SOS2: variants seen among roughly 807,000 people sequenced by gnomAD.
SOS2 encodes the protein son of sevenless homolog 2.
In SOS2, 65 loss-of-function variants were observed where a neutral mutation model predicts 148.2. That is an observed-to-expected ratio of 0.44 (90% confidence interval 0.36 to 0.54). The LOEUF is 0.54. SOS2 is among the 20% of genes least tolerant of loss of function. The pLI is 0.00. For missense variants in SOS2, 1,341 were observed against 1,590.2 expected (o/e 0.84, Z 2.67); for synonymous variants, 539 against 537.1 (o/e 1.00, Z -0.05).
intron 1 of SOS2, among the ~76,000 whole-genome samples, chr14:50,214,704 T>C (rs891909278): frequency 1.3e-5 from 2 of 151,100 alleles, no homozygotes; most frequent in Non-Finnish European, 3.0e-5. Context: ...CCGTTTCTTT[T>C]TTTTTTTTTT....
At chr14:50,214,807 C>G (rs1001692721) in intron 1 of SOS2, among the ~76,000 whole-genome samples, 6 of 151,118 alleles carry the variant, frequency 4.0e-5, no homozygotes, top group African/African-American at 1.5e-4. Flanking sequence ...CCTCAGGCCC[C>G]CCTCCCTGAG....
intron 8 of SOS2, among the ~76,000 whole-genome samples, chr14:50,166,369 A>G (rs754834673): frequency 1.4e-4 from 22 of 152,070 alleles, no homozygotes; most frequent in Non-Finnish European, 2.8e-4. Context: ...AGCTTGGACT[A>G]CAGGCATTGC....
chr14:50,223,078 T>C lies in SOS2; in HGVS notation c.87+8119A>G, dbSNP rs147474117. On this transcript the variant is annotated intron_variant, in intron 1 of 22. Coordinates refer to ENST00000216373, the MANE Select transcript of SOS2 (RefSeq NM_006939.4). ...AGGATGTGCTGACAAATTAGATGTGTGGTATAAAAAAAGACAATATTCAAG... is the reference window on the plus strand; with the variant it reads ...AGGATGTGCTGACAAATTAGATGTGCGGTATAAAAAAAGACAATATTCAAG... Among the ~76,000 whole-genome samples, 28 of 152,278 alleles carry C rather than the reference T, an allele frequency of 1.8e-4. No individual in the cohort carries two copies. In the East Asian group the frequency reaches 4.4e-3, roughly 24 times the overall value.
rs1433339408 is a variant in SOS2 at position 50,118,390 on chromosome 14, G to T, written c.3953C>A (p.Pro1318Gln). 5 of 1,613,460 alleles carry T rather than the reference G, an allele frequency of 3.1e-6. No individual in the cohort carries two copies. The highest frequency in any genetic ancestry group is 4.2e-6 in the Non-Finnish European group (5 of 1,179,532). Residue 1318 changes from proline (P) to glutamine (Q), a missense_variant, in exon 23 of 23, where the codon CCA (proline) becomes CAA (glutamine). Physicochemically the swap from Pro to Gln is moderately conservative, Grantham distance 76. This residue lies in a region of SOS2 where 354 missense variants were observed against 347.7 expected (regional missense o/e 1.02). Transcript: ENST00000216373. ...KTYKRELSHP[P>Q]LYRLPLLENA... is the part of the protein sequence containing the mutation. ...TTCTAGCAAAGGCAGTCTGTACAAT[G>T]GGGGGTGCGAAAGCTCCCGTTTGTA...
intron 8 of SOS2, among the ~76,000 whole-genome samples, chr14:50,168,904 TTAAA>T (rs1050235200): frequency 6.6e-6 from 1 of 152,218 alleles, no homozygotes; most frequent in African/African-American, 2.4e-5. Context: ...GATTTAGTGT[TTAAA>T]TATTATTTTT....
chr14:50,133,345 G>GCAC (rs1315637848), intron 19 of SOS2, among the ~76,000 whole-genome samples: 6 of 147,640 alleles, frequency 4.1e-5, no homozygotes, highest in Non-Finnish European at 8.9e-5. Flanking sequence ...CCCCAGGCGT[G>GCAC]CACCACCATG....
In SOS2 at chr14:50,145,203, T is replaced by C; in HGVS notation, c.2634A>G (p.Ser878=). The C allele has an allele frequency of 1.2e-6, 2 of 1,610,096 alleles. No individual in the cohort carries two copies. Among genetic ancestry groups the C allele is most frequent in the East Asian group, 2.2e-5 (1 of 44,770 alleles). The change falls in exon 16 of 23, where the codon TCA becomes TCG. Residue 878 remains serine, a synonymous_variant. Transcript: ENST00000216373. ...TATGGTCTAGTCTGTATACTGACAC[T>C]GAATTTACTGCACTGACTATCTCCA... ...GVLEIVSAVN[S]VSVYRLDHTF...
intron 1 of SOS2, among the ~76,000 whole-genome samples, chr14:50,227,225 GTTTC>G (rs1268089017): frequency 1.4e-5 from 2 of 140,710 alleles, no homozygotes; most frequent in Middle Eastern, 3.4e-3. Flanking sequence ...CTATCTCTGT[GTTTC>G]TTTTTCTTTC....
chr14:50,213,863 C>G (rs1028401825), intron 1 of SOS2, among the ~76,000 whole-genome samples: 1 of 148,606 alleles, frequency 6.7e-6, no homozygotes, highest in African/African-American at 2.5e-5. Flanking sequence ...GCACTCCAGT[C>G]TGGGCAACAG....
At chr14:50,127,862 T>A (rs1162889249) in intron 21 of SOS2, among the ~76,000 whole-genome samples, 3 of 152,180 alleles carry the variant, frequency 2.0e-5, no homozygotes, top group Admixed American at 6.5e-5. Flanking sequence ...GGTATTAGAC[T>A]TTTCAGCAGG....
At chr14:50,209,747 C>A (rs1450839660) in intron 1 of SOS2, among the ~76,000 whole-genome samples, 2 of 84,360 alleles carry the variant, frequency 2.4e-5, no homozygotes, top group Non-Finnish European at 2.5e-5. Flanking sequence ...GAGAGTGAGA[C>A]CTTGTCTCAA....
chr14:50,163,392 T>C (rs1885073648), intron 8 of SOS2, among the ~76,000 whole-genome samples: 1 of 152,184 alleles, frequency 6.6e-6, no homozygotes, highest in Non-Finnish European at 1.5e-5. Flanking sequence ...TAACTGGCTA[T>C]TGTTTGACAA....
At chr14:50,180,547 A>C (rs765212729) in intron 7 of SOS2, 25 bp downstream of exon 7, 27 of 1,064,478 alleles carry the variant, frequency 2.5e-5, no homozygotes, top group East Asian at 2.3e-4. Context: ...AAAAAAAAAA[A>C]AAAAAACCTT....
rs762780180 is a variant in SOS2 at position 50,118,514 on chromosome 14, G to A, written c.3829C>T (p.Leu1277Phe). Residue 1277 changes from leucine to phenylalanine, a missense_variant, in exon 23 of 23, where the codon CTC becomes TTC. By Grantham distance (22) the Leu-to-Phe change is conservative (BLOSUM62 0). This residue lies in a region of SOS2 where 354 missense variants were observed against 347.7 expected (regional missense o/e 1.02). Transcript: ENST00000216373. ...GCAAGATTATTCTGACTAGAACTGA[G>A]CACATAGCATCGACGCGGTACCCTT... is the stretch of plus-strand genomic sequence containing the variant. ...SPRVPRRCYV[L>F]SSSQNNLAHP... is the part of the protein sequence containing the mutation. 1.9e-6 allele frequency: 3 copies of A among 1,614,146 alleles called. No individual in the cohort carries two copies. Among genetic ancestry groups the A allele is most frequent in the Non-Finnish European group, 2.5e-6 (3 of 1,180,012 alleles).
intron 6 of SOS2, 69 bp downstream of exon 6, chr14:50,182,394 C>T (rs1885773396): frequency 7.1e-7 from 1 of 1,402,604 alleles, no homozygotes; most frequent in Non-Finnish European, 1.0e-6. Context: ...GTTGCCAAGA[C>T]TCATCTCTAA....
intron 4 of SOS2, among the ~76,000 whole-genome samples, chr14:50,189,060 A>G (rs1256049058): frequency 2.1e-5 from 1 of 46,598 alleles, no homozygotes; most frequent in East Asian, 4.9e-4. Flanking sequence ...GCGAGACTCC[A>G]TCACACACAC....
chr14:50,209,274 C>CGTGTGTGTGT (rs140994310), intron 1 of SOS2, among the ~76,000 whole-genome samples: 2,345 of 118,326 alleles, frequency 0.02, 117 homozygotes, highest in Middle Eastern at 0.05. Context: ...CCTTAAATGT[C>CGTGTGTGTGT]GTGTGTGTGT....
At chr14:50,154,764 T>C (rs1484048915) in intron 12 of SOS2, among the ~76,000 whole-genome samples, 1 of 152,086 alleles carries the variant, frequency 6.6e-6, no homozygotes, top group Non-Finnish European at 1.5e-5. Context: ...GAGGGAGAAA[T>C]TGGAACACTG....
At chr14:50,170,642 C>A (rs1318125786) in intron 8 of SOS2, among the ~76,000 whole-genome samples, 2 of 152,034 alleles carry the variant, frequency 1.3e-5, no homozygotes, top group Non-Finnish European at 2.9e-5. Context: ...CACTGCATTC[C>A]AGCCTGGGTA....
Sources: gnomAD v4.1 joint callset for allele counts (sites outside exome capture counted in the v4.1 genomes callset) on GRCh38, gnomAD v4.1.1 for gene constraint, gnomAD v4.1.1 regional missense constraint, MANE v1.5 for transcripts, NCBI Gene and HGNC (gene_info 2026-07-23, HGNC 2026-07-21) for gene names.